Variants in MPHOSPH9 observed in about 807,000 individuals in gnomAD.
MPHOSPH9 encodes M-phase phosphoprotein 9.
In MPHOSPH9, 88 loss-of-function variants were observed where a neutral mutation model predicts 145.5. The ratio of observed to expected loss-of-function variants is 0.60; its 90% confidence interval spans 0.51 to 0.72. The LOEUF is 0.72. Ranked by LOEUF, MPHOSPH9 falls within the 30% of genes least tolerant of loss-of-function variation. The pLI is 0.00. For missense variants in MPHOSPH9, 1,238 were observed against 1,386.6 expected (o/e 0.89, Z 1.70); for synonymous variants, 435 against 486.2 (o/e 0.89, Z 1.39).
Position 123,181,225 on chromosome 12 carries a change from A to C in MPHOSPH9, c.2242-15T>G, listed in dbSNP as rs1229444887. On this transcript the variant is annotated splice_polypyrimidine_tract_variant and intron_variant, in intron 13 of 23. Transcript: ENST00000606320. ...TCTCCTAAAAGCTACAAGGAAAAACAAAAAAAAATTATACCACAAAATTAA... is the reference window on the plus strand; with the variant it reads ...TCTCCTAAAAGCTACAAGGAAAAACCAAAAAAAATTATACCACAAAATTAA... 3 of 1,548,928 alleles carry C rather than the reference A, an allele frequency of 1.9e-6. No individual in the cohort carries two copies. The highest frequency in any genetic ancestry group is 2.7e-6 in the Non-Finnish European group (3 of 1,130,386).
rs376437476 is a variant in MPHOSPH9, at chr12:123,209,894, G to A, written c.1194+162C>T. Among the ~76,000 whole-genome samples, 515 of 151,582 alleles carry A rather than the reference G, an allele frequency of 3.4e-3. 2 individuals are homozygous for A. Among genetic ancestry groups the A allele is most frequent in the African/African-American group, 0.011 (474 of 41,318 alleles). On this transcript the variant is annotated intron_variant, in intron 8 of 23. Coordinates refer to ENST00000606320, the MANE Select transcript of MPHOSPH9 (RefSeq NM_022782.4). ...TGGGACTACAGGCGCCCGCCACCAC[G>A]CCCAGCTAATTTTTTGTATTTTTAG...
rs563910010 is a variant in MPHOSPH9, at chr12:123,163,562, C to T, written c.2908+388G>A. Among the ~76,000 whole-genome samples the T allele has an allele frequency of 6.1e-5, 9 of 146,342 alleles. 1 individual carries two copies. The South Asian group carries it at 2.0e-3, about 32-fold the overall frequency. ...GAAAAATGGTGACTAATGCTAAGTACTTGAGATCAAATACATAAGAAGTAT... is the reference window on the plus strand; with the variant it reads ...GAAAAATGGTGACTAATGCTAAGTATTTGAGATCAAATACATAAGAAGTAT... On this transcript the variant is annotated intron_variant, in intron 19 of 23. Transcript: ENST00000606320.
In MPHOSPH9 at chr12:123,156,565, CAG is replaced by C. The variant is rs2043873285; in HGVS notation, c.*240_*241del. Reference sequence around the variant, plus strand: ...CCTTATTCTTGATATAAATTGGAGACAGATACTATTTAAAAATAATGCTTTTT... The same window carrying C: ...CCTTATTCTTGATATAAATTGGAGACATACTATTTAAAAATAATGCTTTTT... On this transcript the variant is annotated 3_prime_UTR_variant, in exon 24 of 24. Coordinates refer to ENST00000606320, the MANE Select transcript of MPHOSPH9 (RefSeq NM_022782.4). The C allele has an allele frequency of 3.2e-6, 1 of 311,176 alleles. No homozygotes were observed. The highest frequency in any genetic ancestry group is 2.1e-5 in the African/African-American group (1 of 46,596). 19.3% of individuals were successfully genotyped at this position (311,176 alleles called of 1,614,324 possible). A position where few individuals can be genotyped will look rare whatever the true frequency, so the allele number is the denominator to read the frequency against.
At chr12:123,175,332 T>C (rs2044796891) in intron 16 of MPHOSPH9, among the ~76,000 whole-genome samples, 1 of 152,090 alleles carries the variant, frequency 6.6e-6, no homozygotes, top group South Asian at 2.1e-4. Flanking sequence ...TTTTGTATTT[T>C]TTAGTAGAGA....
intron 4 of MPHOSPH9, 110 bp from the exon 5 acceptor site, chr12:123,222,005 G>C (rs2047219445): frequency 4.3e-6 from 3 of 695,126 alleles, no homozygotes; most frequent in Admixed American, 3.2e-5. Flanking sequence ...TTATTCTAAA[G>C]ATAATGTGAT....
chr12:123,196,002 T>C (rs2045927428), intron 12 of MPHOSPH9, among the ~76,000 whole-genome samples: 1 of 151,412 alleles, frequency 6.6e-6, no homozygotes, highest in Non-Finnish European at 1.5e-5. Context: ...TCCACAGCAC[T>C]CTAGCCTGGG....
intron 23 of MPHOSPH9, among the ~76,000 whole-genome samples, chr12:123,158,155 C>G (rs1400094536): frequency 1.3e-5 from 2 of 151,990 alleles, no homozygotes; most frequent in African/African-American, 4.8e-5. Flanking sequence ...ATGCCCGGCT[C>G]ATTTTCATAT....
At chr12:123,239,410 G>T (rs142893353) in intron 1 of MPHOSPH9, among the ~76,000 whole-genome samples, 8 of 145,818 alleles carry the variant, frequency 5.5e-5, no homozygotes, top group Non-Finnish European at 4.5e-5. Context: ...TTGTTTTTTT[G>T]TTTGTTTTTT....
At chr12:123,232,093 A>G (rs2047664035) in intron 1 of MPHOSPH9, among the ~76,000 whole-genome samples, 1 of 151,588 alleles carries the variant, frequency 6.6e-6, no homozygotes, top group African/African-American at 2.4e-5. Flanking sequence ...CCCACGACAA[A>G]TGGGGCATTG....
intron 16 of MPHOSPH9, among the ~76,000 whole-genome samples, chr12:123,168,325 C>T (rs1453684126): frequency 1.3e-5 from 2 of 151,712 alleles, no homozygotes; most frequent in African/African-American, 4.8e-5. Flanking sequence ...GCCTGACCGC[C>T]TGGCAACATG....
downstream of MPHOSPH9, chr12:123,152,846 T>C (rs1356554697): frequency 4.5e-6 from 1 of 222,004 alleles, no homozygotes. Context: ...GTCTGAATGG[T>C]AAAAGGCTAC....
rs2044021382 is a variant in MPHOSPH9 at position 123,159,636 on chromosome 12, C to G, written c.3450+1145G>C. ...CCTTAGAAATTTGCATTTCTTTGGA[C>G]CTAGCATTTTTATTTCTGGGAATGA... On this transcript the variant is annotated intron_variant, in intron 23 of 23. Transcript: ENST00000606320. This position sits in a 1 kb window ranked among gnomAD's most constrained non-coding sequence, Gnocchi z 4.3. 1.3e-5 allele frequency: 2 copies of G among 152,016 alleles called. No individual in the cohort carries two copies. The highest frequency in any genetic ancestry group is 1.3e-4 in the Admixed American group (2 of 15,266). 9.4% of individuals were successfully genotyped at this position (152,016 alleles called of 1,614,324 possible). A position where few individuals can be genotyped will look rare whatever the true frequency, so the allele number is the denominator to read the frequency against.
At chr12:123,186,869 G>A (rs1311916224) in intron 13 of MPHOSPH9, among the ~76,000 whole-genome samples, 1 of 152,204 alleles carries the variant, frequency 6.6e-6, no homozygotes, top group African/African-American at 2.4e-5. Flanking sequence ...GCTGAGGCAA[G>A]AGAATTGTTT....
intron 8 of MPHOSPH9, among the ~76,000 whole-genome samples, chr12:123,204,586 G>A (rs2138378653): frequency 6.6e-6 from 1 of 152,210 alleles, no homozygotes; most frequent in South Asian, 2.1e-4. Context: ...AAGAAGATAT[G>A]ACCCTAGGCT....
intron 4 of MPHOSPH9, among the ~76,000 whole-genome samples, chr12:123,222,619 A>C (rs931439270): frequency 5.9e-5 from 9 of 152,126 alleles, no homozygotes; most frequent in African/African-American, 2.2e-4. Flanking sequence ...GTGCCATTGC[A>C]CTCCAGCCTG....
At chr12:123,229,242 G>A (rs2047546612) in intron 2 of MPHOSPH9, among the ~76,000 whole-genome samples, 1 of 152,058 alleles carries the variant, frequency 6.6e-6, no homozygotes, top group Non-Finnish European at 1.5e-5. Flanking sequence ...GCTCTTTATA[G>A]ATGCTCTCCT....
intron 13 of MPHOSPH9, among the ~76,000 whole-genome samples, chr12:123,186,497 G>T (rs2045451044): frequency 6.6e-6 from 1 of 152,040 alleles, no homozygotes; most frequent in African/African-American, 2.4e-5. Flanking sequence ...GAAAGCCATG[G>T]GAGGGGAGAG....
At chr12:123,213,082 A>G (rs1342529669) in intron 7 of MPHOSPH9, among the ~76,000 whole-genome samples, 1 of 151,906 alleles carries the variant, frequency 6.6e-6, no homozygotes, top group East Asian at 1.9e-4. Context: ...GATAGTCTCG[A>G]TCGCCTGACC....
intron 4 of MPHOSPH9, 79 bp from the exon 5 acceptor site, chr12:123,221,974 G>A: frequency 2.6e-6 from 2 of 764,472 alleles, no homozygotes; most frequent in Non-Finnish European, 4.1e-6. Context: ...AGAATATCAT[G>A]TTTCAAAATA....
Sources: allele counts gnomAD v4.1 joint callset (sites outside exome capture counted in the v4.1 genomes callset), GRCh38; gene constraint gnomAD v4.1.1; non-coding constraint Gnocchi (gnomAD v3.1); transcripts MANE v1.5; gene names NCBI Gene and HGNC (gene_info 2026-07-23, HGNC 2026-07-21).